Variants in GABRB3 observed in about 807,000 individuals in gnomAD.
GABRB3 encodes gamma-aminobutyric acid type A receptor subunit beta3, also known as gamma-aminobutyric acid receptor subunit beta-3.
A neutral mutation model predicts 52.1 loss-of-function variants in GABRB3; 14 were observed. The ratio of observed to expected loss-of-function variants is 0.27; its 90% CI spans 0.18 to 0.42. The LOEUF is 0.42. Among genes scored for constraint, GABRB3 ranks in the 10% least tolerant of loss-of-function variants. GABRB3 has a pLI of 1.00. For synonymous variants in GABRB3, 260 were observed against 232.3 expected, an observed-to-expected ratio of 1.12 and a Z score of -1.08; for missense variants, 307 against 609.1, an observed-to-expected ratio of 0.50 and a Z score of 5.22.
At position 26,572,262 on chromosome 15, in the gene GABRB3, G is replaced by A. The variant is rs145717753; in HGVS notation, c.683-4529C>T. 1.0e-3 allele frequency among the ~76,000 whole-genome samples: 157 copies of A among 152,246 alleles called. 1 individual carries two copies. Among genetic ancestry groups the A allele is most frequent in the Non-Finnish European group, 1.9e-3 (128 of 68,026 alleles). ...TCAGAACTGGCCTCCATAAAGCTGTGGCGTGCACTATCCTGGAGGTATAAA... is the reference window on the plus strand; with the variant it reads ...TCAGAACTGGCCTCCATAAAGCTGTAGCGTGCACTATCCTGGAGGTATAAA... On this transcript the variant is annotated intron_variant, in intron 6 of 8. Transcript: ENST00000311550.
intron 3 of GABRB3, among the ~76,000 whole-genome samples, chr15:26,660,147 T>C (rs1338747906): frequency 6.6e-6 from 1 of 151,896 alleles, no homozygotes; most frequent in East Asian, 1.9e-4. Context: ...GGAGAATTGC[T>C]TGAACCCGGG....
chr15:26,754,419 C>G (rs1890600376), intron 3 of GABRB3, among the ~76,000 whole-genome samples: 1 of 152,114 alleles, frequency 6.6e-6, no homozygotes, highest in African/African-American at 2.4e-5. Context: ...CAAGGTGCTG[C>G]TTTTCTGGGC....
intron 3 of GABRB3, among the ~76,000 whole-genome samples, chr15:26,695,632 C>T (rs1009047243): frequency 2.6e-5 from 4 of 151,902 alleles, no homozygotes; most frequent in Non-Finnish European, 4.4e-5. Context: ...AGGTCAGGAA[C>T]TCAGATCTGT....
At chr15:26,581,550 A>G (rs543241359) in intron 5 of GABRB3, among the ~76,000 whole-genome samples, 1 of 152,350 alleles carries the variant, frequency 6.6e-6, no homozygotes, top group East Asian at 1.9e-4. Flanking sequence ...AAGAACCTCA[A>G]GAACCTACAG....
At chr15:26,585,896 T>C (rs1595460804) in intron 4 of GABRB3, among the ~76,000 whole-genome samples, 1 of 152,250 alleles carries the variant, frequency 6.6e-6, no homozygotes, top group African/African-American at 2.4e-5. Context: ...AAGATGCCTA[T>C]AATGCAAAAT....
intron 3 of GABRB3, among the ~76,000 whole-genome samples, chr15:26,723,503 A>T (rs1348470518): frequency 6.6e-6 from 1 of 152,234 alleles, no homozygotes; most frequent in Non-Finnish European, 1.5e-5. Context: ...GCAAATAATT[A>T]TCTTCACAGA....
chr15:26,714,344 T>C (rs1361717523), intron 3 of GABRB3, among the ~76,000 whole-genome samples: 1 of 152,180 alleles, frequency 6.6e-6, no homozygotes, highest in Non-Finnish European at 1.5e-5. Flanking sequence ...AGAAAGTTTA[T>C]TTTGCCAGGG....
intron 8 of GABRB3, among the ~76,000 whole-genome samples, chr15:26,555,864 A>T (rs1889732205): frequency 6.6e-6 from 1 of 152,200 alleles, no homozygotes; most frequent in Admixed American, 6.5e-5. Context: ...TTTTCATTTA[A>T]GCATGAACCA....
At position 26,567,719 on chromosome 15, in the gene GABRB3, G is replaced by A. The variant is rs1385191477; in HGVS notation, c.697C>T (p.Leu233=). Residue 233 remains leucine (L), a synonymous_variant, in exon 7 of 9, where the codon CTG becomes TTG. Transcript: ENST00000311550. ...CTCTTCAACCGAAAGCTCAGTGACAGTCGAGGATAGGCACCTATGGGAAAC... is the reference window on the plus strand; with the variant it reads ...CTCTTCAACCGAAAGCTCAGTGACAATCGAGGATAGGCACCTATGGGAAAC... ...VVFATGAYPR[L]SLSFRLKRNI... is the part of the protein sequence containing the mutation. 2 of 1,613,968 alleles carry A rather than the reference G, an allele frequency of 1.2e-6. No individual in the cohort carries two copies. The highest frequency in any genetic ancestry group is 1.7e-6 in the Non-Finnish European group (2 of 1,180,030).
intron 4 of GABRB3, among the ~76,000 whole-genome samples, chr15:26,595,668 AT>A (rs1012937678): frequency 6.6e-6 from 1 of 152,134 alleles, no homozygotes; most frequent in African/African-American, 2.4e-5. Flanking sequence ...AAGCAACCCC[AT>A]TTTGGATGGT....
rs897073733 is a variant in GABRB3, at chr15:26,773,061, CGCG to C, written c.-102_-100del. 5 of 613,296 alleles carry C rather than the reference CGCG, an allele frequency of 8.2e-6. No individual in the cohort carries two copies. Among genetic ancestry groups the C allele is most frequent in the Non-Finnish European group, 1.0e-5 (5 of 483,262 alleles). 38.0% of individuals were successfully genotyped at this position (613,296 alleles called of 1,614,324 possible). A position where few individuals can be genotyped will look rare whatever the true frequency, so the allele number is the denominator to read the frequency against. ...CTGCTGCCGCCGCCGCCGCCGCCGC[CGCG>C]CTGGCCCGGAGCGGAGGAGGGCGGA... On this transcript the variant is annotated 5_prime_UTR_variant, in exon 1 of 9. Transcript: ENST00000311550.
intron 3 of GABRB3, among the ~76,000 whole-genome samples, chr15:26,730,436 A>G (rs1566821912): frequency 6.6e-6 from 1 of 151,716 alleles, no homozygotes; most frequent in African/African-American, 2.4e-5. Context: ...AAAAAAAAAA[A>G]AAAGACTTAC....
intron 3 of GABRB3, among the ~76,000 whole-genome samples, chr15:26,683,922 G>A (rs1316524396): frequency 1.3e-5 from 2 of 152,132 alleles, no homozygotes; most frequent in Admixed American, 6.5e-5. Flanking sequence ...TGACCTAGGA[G>A]GAGGAGGGCA....
At chr15:26,656,702 G>C (rs991396653) in intron 3 of GABRB3, among the ~76,000 whole-genome samples, 1 of 152,168 alleles carries the variant, frequency 6.6e-6, no homozygotes, top group Non-Finnish European at 1.5e-5. Flanking sequence ...CCTTATGAGA[G>C]TCGAATGCCT....
At chr15:26,560,011 G>A (rs1889919191) in intron 8 of GABRB3, among the ~76,000 whole-genome samples, 1 of 152,192 alleles carries the variant, frequency 6.6e-6, no homozygotes, top group Non-Finnish European at 1.5e-5. Flanking sequence ...ATGGCAGCAT[G>A]CTGGATCATC....
chr15:26,644,867 A>G (rs1434147030), intron 3 of GABRB3, among the ~76,000 whole-genome samples: 3 of 152,350 alleles, frequency 2.0e-5, no homozygotes, highest in Non-Finnish European at 1.5e-5. Context: ...TCAGCATGTG[A>G]TGGAGACTCA....
chr15:26,747,618 T>C (rs1225481776), intron 3 of GABRB3, among the ~76,000 whole-genome samples: 3 of 152,224 alleles, frequency 2.0e-5, no homozygotes, highest in African/African-American at 7.2e-5. Flanking sequence ...AGTTTTTATA[T>C]AAATTCTTTG....
intron 3 of GABRB3, among the ~76,000 whole-genome samples, chr15:26,733,963 T>C (rs1259350401): frequency 6.7e-6 from 1 of 148,812 alleles, no homozygotes; most frequent in African/African-American, 2.5e-5. Context: ...TCTAACACCA[T>C]ATACAAAAAT....
intron 3 of GABRB3, among the ~76,000 whole-genome samples, chr15:26,627,150 TG>T (rs1266690006): frequency 6.6e-6 from 1 of 151,964 alleles, no homozygotes; most frequent in Non-Finnish European, 1.5e-5. Flanking sequence ...CAATAAAACC[TG>T]GGTGTCAACA....
Sources: allele counts gnomAD v4.1 joint callset (sites outside exome capture counted in the v4.1 genomes callset), GRCh38; gene constraint gnomAD v4.1.1; transcripts MANE v1.5; gene names NCBI Gene and HGNC (gene_info 2026-07-23, HGNC 2026-07-21).